The following EP300 variants were observed in gnomAD, a reference collection of about 807,000 sequenced individuals.
EP300 encodes the protein EP300 lysine acetyltransferase, also known as histone acetyltransferase p300.
A neutral mutation model predicts 264.0 loss-of-function variants in EP300; 31 were observed. That is an observed-to-expected ratio of 0.12 (90% confidence interval 0.09 to 0.16). The LOEUF is 0.16. Ranked by LOEUF, EP300 falls within the 10% of genes least tolerant of loss-of-function variation. EP300 has a pLI of 1.00. For synonymous variants in EP300, 1,340 were observed against 1,045.4 expected (o/e 1.28, Z -5.44); for missense variants, 2,766 against 3,052.9 (o/e 0.91, Z 2.21).
chr22:41,179,127 C>T lies in EP300; in HGVS notation c.*171C>T, dbSNP rs916493311. On this transcript the variant is annotated 3_prime_UTR_variant, in exon 31 of 31. Coordinates refer to ENST00000263253, the MANE Select transcript of EP300 (RefSeq NM_001429.4). Reference sequence around the variant, plus strand: ...TTTAAAGCAAACATGCAAGATGAACCTGAGGGATGATAGAATACAAAGAAT... The same window carrying T: ...TTTAAAGCAAACATGCAAGATGAACTTGAGGGATGATAGAATACAAAGAAT... 2 of 693,406 alleles carry T rather than the reference C, an allele frequency of 2.9e-6. No individual in the cohort carries two copies. The highest frequency in any genetic ancestry group is 1.8e-5 in the African/African-American group (1 of 55,646). 43.0% of individuals were successfully genotyped at this position (693,406 alleles called of 1,614,324 possible). A position where few individuals can be genotyped will look rare whatever the true frequency, so the allele number is the denominator to read the frequency against.
At position 41,170,287 on chromosome 22, in the gene EP300, CTG is replaced by C. The variant is rs1223013057; in HGVS notation, c.4287-115_4287-114del. 11 of 919,048 alleles carry C rather than the reference CTG, an allele frequency of 1.2e-5. No homozygotes were observed. In the East Asian group the frequency reaches 2.6e-4, roughly 21 times the overall value. 56.9% of individuals were successfully genotyped at this position (919,048 alleles called of 1,614,324 possible). On this transcript the variant is annotated intron_variant, in intron 26 of 30. Coordinates refer to ENST00000263253, the MANE Select transcript of EP300 (RefSeq NM_001429.4). ...AATCTCATTCTGGGTTATATATACA[CTG>C]TGTTATCTTGGGAAAAATTATTGGT...
At chr22:41,121,521 A>G (rs2058852009) in intron 2 of EP300, among the ~76,000 whole-genome samples, 1 of 152,164 alleles carries the variant, frequency 6.6e-6, no homozygotes, top group Non-Finnish European at 1.5e-5. Flanking sequence ...TTTTGGTCAC[A>G]GTGACCAAAA....
rs370791429 is a variant in EP300 at position 41,168,115 on chromosome 22, C to T, written c.3875-334C>T. The T allele has an allele frequency of 1.0e-4, 36 of 353,788 alleles. No homozygotes were observed. In the East Asian group the frequency reaches 2.6e-3, roughly 26 times the overall value. The allele number at this position is 353,788 out of a possible 1,614,324, so 21.9% of individuals were successfully genotyped here. A position where few individuals can be genotyped will look rare whatever the true frequency, so the allele number is the denominator to read the frequency against. ...GGGATTACAGGCATGAGCTACCGCA[C>T]CCGGCCCCTGTTCTGTATTTTTATA... On this transcript the variant is annotated intron_variant, in intron 23 of 30. Coordinates refer to ENST00000263253, the MANE Select transcript of EP300 (RefSeq NM_001429.4).
chr22:41,107,489 G>T (rs1175778796), intron 1 of EP300, among the ~76,000 whole-genome samples: 1 of 151,684 alleles, frequency 6.6e-6, no homozygotes, highest in Non-Finnish European at 1.5e-5. Context: ...AGCCAAAATT[G>T]TTTTAATTTT....
chr22:41,132,657 G>A (rs1161684756), intron 6 of EP300, among the ~76,000 whole-genome samples: 4 of 152,134 alleles, frequency 2.6e-5, no homozygotes, highest in African/African-American at 9.7e-5. Flanking sequence ...AACAGAAATT[G>A]TGTTTTGACT....
chr22:41,178,009 A>G lies in EP300; in HGVS notation c.6298A>G (p.Ile2100Val). 1 of 1,614,002 alleles carries G rather than the reference A, an allele frequency of 6.2e-7. No homozygotes were observed. The highest frequency in any genetic ancestry group is 8.5e-7 in the Non-Finnish European group (1 of 1,179,976). ...AKYANSNPQP[I>V]PGQPGMPQGQ... is the part of the protein sequence containing the mutation. ...GTATGCCAACTCTAATCCACAACCCATCCCTGGGCAGCCTGGCATGCCCCA... is the reference window on the plus strand; with the variant it reads ...GTATGCCAACTCTAATCCACAACCCGTCCCTGGGCAGCCTGGCATGCCCCA... The change falls in exon 31 of 31, where the codon ATC becomes GTC. Residue 2100 changes from isoleucine to valine, a missense_variant. Physicochemically the swap from Ile to Val is conservative, Grantham distance 29. Transcript: ENST00000263253.
At chr22:41,167,158 C>G (rs1323771378) in intron 23 of EP300, among the ~76,000 whole-genome samples, 1 of 152,170 alleles carries the variant, frequency 6.6e-6, no homozygotes, top group African/African-American at 2.4e-5. Context: ...CCTCCACACC[C>G]AGCTAATTTT....
chr22:41,146,098 T>A (rs1353665417), intron 10 of EP300, among the ~76,000 whole-genome samples: 1 of 152,032 alleles, frequency 6.6e-6, no homozygotes, highest in Non-Finnish European at 1.5e-5. Flanking sequence ...ATGGAGATAC[T>A]CTGTTGCATG....
chr22:41,137,504 G>C, intron 7 of EP300, 149 bp from the exon 8 acceptor site: 1 of 1,013,866 alleles, frequency 9.9e-7, no homozygotes, highest in Non-Finnish European at 1.5e-6. Flanking sequence ...AATCAGTCTA[G>C]TCACACACTT....
chr22:41,169,761 C>A (rs1035377341), intron 26 of EP300, 145 bp downstream of exon 26: 5 of 649,640 alleles, frequency 7.7e-6, no homozygotes, highest in Non-Finnish European at 1.4e-5. Flanking sequence ...TTTGTTGGAG[C>A]CCCTTTGAAG....
chr22:41,096,290 G>A (rs1390950180), intron 1 of EP300, among the ~76,000 whole-genome samples: 7 of 152,110 alleles, frequency 4.6e-5, no homozygotes, highest in African/African-American at 1.7e-4. Context: ...CTTGAGTGAT[G>A]GAAATGATGA....
Position 41,155,110 on chromosome 22 carries a change from C to A in EP300, c.3258C>A (p.Ile1086=). The A allele has an allele frequency of 6.3e-7, 1 of 1,597,596 alleles. No individual in the cohort carries two copies. Among genetic ancestry groups the A allele is most frequent in the Non-Finnish European group, 8.6e-7 (1 of 1,165,082 alleles). ...CTGTGGACCCTCAGCTTTTAGGAAT[C>A]CCTGTAAGTATTTGGTGGTACTTTT... The part of the protein sequence containing the change: ...RQPVDPQLLG[I]PDYFDIVKSP... Residue 1086 remains isoleucine (I), a synonymous_variant, in exon 17 of 31, where the codon ATC becomes ATA. Coordinates refer to ENST00000263253, the MANE Select transcript of EP300 (RefSeq NM_001429.4).
chr22:41,149,451 T>G (rs1487427414), intron 13 of EP300, among the ~76,000 whole-genome samples: 1 of 152,144 alleles, frequency 6.6e-6, no homozygotes, highest in East Asian at 1.9e-4. Flanking sequence ...TTAAACACAA[T>G]GTAGAAGGAA....
At chr22:41,114,829 A>AG (rs2145693551) in intron 1 of EP300, among the ~76,000 whole-genome samples, 1 of 151,874 alleles carries the variant, frequency 6.6e-6, no homozygotes, top group East Asian at 1.9e-4. Context: ...GGGAAGAAAA[A>AG]AAAAAACTAC....
At chr22:41,168,281 T>C (rs1569116188) in intron 23 of EP300, 168 bp from the exon 24 acceptor site, 4 of 690,418 alleles carry the variant, frequency 5.8e-6, no homozygotes, top group South Asian at 5.0e-5. Flanking sequence ...CCTGCACTCA[T>C]ATGACATGTA....
rs550327096 is a variant in EP300, at chr22:41,165,856, A to C, written c.3807-743A>C. Among the ~76,000 whole-genome samples the C allele has an allele frequency of 2.5e-4, 37 of 150,072 alleles. No homozygotes were observed. The South Asian group carries it at 7.9e-3, about 32-fold the overall frequency. The stretch of plus-strand genomic sequence containing the variant: ...GTGATCTCAGCTCACTGCAACCTCC[A>C]CCTCCTGGGTTCAGGCAATTCTCCT... On this transcript the variant is annotated intron_variant, in intron 22 of 30. Coordinates refer to ENST00000263253, the MANE Select transcript of EP300 (RefSeq NM_001429.4).
intron 29 of EP300, chr22:41,174,572 C>G (rs1339775160): frequency 6.6e-6 from 1 of 151,886 alleles, no homozygotes; most frequent in Non-Finnish European, 1.5e-5. Context: ...GGGAAAATAA[C>G]TGGGTAAGGT....
intron 27 of EP300, among the ~76,000 whole-genome samples, chr22:41,170,934 A>G (rs1038973737): frequency 6.8e-6 from 1 of 146,806 alleles, no homozygotes; most frequent in African/African-American, 2.5e-5. Context: ...AAGTGCTGGG[A>G]TTACAGGCAT....
At chr22:41,176,029 G>C (rs976741194) in intron 29 of EP300, 2 of 582,298 alleles carry the variant, frequency 3.4e-6, no homozygotes, top group Non-Finnish European at 6.1e-6. Flanking sequence ...AGACCAGCCT[G>C]GGCAACATGG....
Sources: allele counts gnomAD v4.1 joint callset (sites outside exome capture counted in the v4.1 genomes callset), GRCh38; gene constraint gnomAD v4.1.1; transcripts MANE v1.5; gene names NCBI Gene and HGNC (gene_info 2026-07-23, HGNC 2026-07-21).